The following TET1 variants were observed in gnomAD, a reference collection of about 807,000 sequenced individuals.
The protein encoded by TET1 is tet methylcytosine dioxygenase 1.
TET1 carries 13 observed loss-of-function variants against 148.7 expected under a neutral mutation model. That is an observed-to-expected ratio of 0.09 (90% CI 0.06 to 0.14). The LOEUF is 0.14. Ranked by LOEUF, TET1 falls within the 10% of genes least tolerant of loss-of-function variation. TET1 has a pLI of 1.00. For synonymous variants in TET1, 907 were observed against 937.2 expected (o/e 0.97, Z 0.59); for missense variants, 2,182 against 2,553.8 (o/e 0.85, Z 3.14).
chr10:68,596,441 T>G (rs969457125), intron 2 of TET1, among the ~76,000 whole-genome samples: 2 of 152,146 alleles, frequency 1.3e-5, no homozygotes, highest in Non-Finnish European at 2.9e-5. Flanking sequence ...GCCTCTGAAT[T>G]ATTTCATAGC....
chr10:68,692,148 G>C lies in TET1; in HGVS notation c.*334G>C. 3.3e-6 allele frequency: 1 copy of C among 300,794 alleles called. No homozygotes were observed. The highest frequency in any genetic ancestry group is 4.6e-5 in the Admixed American group (1 of 21,942). 18.6% of individuals were successfully genotyped at this position (300,794 alleles called of 1,614,324 possible). ...TATGAAACAAGAGTCATTTTTAGAG[G>C]ATTTTAACAGGTTCATGTTCTATGA... On this transcript the variant is annotated 3_prime_UTR_variant, in exon 12 of 12. Transcript: ENST00000373644.
In TET1 at chr10:68,686,467, A is replaced by G. The variant is rs747038214; in HGVS notation, c.5164A>G (p.Lys1722Glu). The G allele has an allele frequency of 6.2e-7, 1 of 1,614,136 alleles. No individual in the cohort carries two copies. Among genetic ancestry groups the G allele is most frequent in the Non-Finnish European group, 8.5e-7 (1 of 1,180,032 alleles). ...TTCAGACACAGATGAGTTTGGCTCC[A>G]AGGAAGGAATGGAAGCCAAGATCAA... ...KLSDTDEFGS[K>E]EGMEAKIKSG... The change falls in exon 11 of 12, where the codon AAG becomes GAG. Residue 1722 changes from lysine to glutamate, a missense_variant. Around this residue, in one of 11 missense-constraint regions of TET1, gnomAD observed 380 missense variants for 387.9 expected, o/e 0.98. Coordinates refer to ENST00000373644, the MANE Select transcript of TET1 (RefSeq NM_030625.3).
chr10:68,650,781 A>G (rs912107998), intron 4 of TET1, among the ~76,000 whole-genome samples: 1 of 152,202 alleles, frequency 6.6e-6, no homozygotes, highest in Non-Finnish European at 1.5e-5. Flanking sequence ...AATTCTTACT[A>G]CACATGAGTC....
At chr10:68,587,893 T>G (rs1237607074) in intron 2 of TET1, among the ~76,000 whole-genome samples, 1 of 152,180 alleles carries the variant, frequency 6.6e-6, no homozygotes, top group African/African-American at 2.4e-5. Flanking sequence ...TTTTGTTTTG[T>G]TTTTTGAGAC....
chr10:68,665,818 C>CT (rs1209903624), intron 6 of TET1, among the ~76,000 whole-genome samples: 1 of 152,028 alleles, frequency 6.6e-6, no homozygotes, highest in Non-Finnish European at 1.5e-5. Flanking sequence ...GGGGAAGGTC[C>CT]TAAAGCCAAC....
chr10:68,648,599 T>C (rs1304124029), intron 4 of TET1, among the ~76,000 whole-genome samples: 2 of 152,224 alleles, frequency 1.3e-5, no homozygotes, highest in Non-Finnish European at 2.9e-5. Context: ...GATGTTTTTA[T>C]TAGAAGCAGG....
chr10:68,657,163 C>T (rs779824749), intron 6 of TET1, among the ~76,000 whole-genome samples: 1 of 152,032 alleles, frequency 6.6e-6, no homozygotes, highest in Non-Finnish European at 1.5e-5. Context: ...CATAGTGAGA[C>T]TCTACAAAAA....
chr10:68,585,961 T>C (rs961801364), intron 2 of TET1, among the ~76,000 whole-genome samples: 1 of 145,290 alleles, frequency 6.9e-6, no homozygotes, highest in African/African-American at 2.6e-5. Flanking sequence ...TCAGCTGAGA[T>C]AGCGCCACTG....
At position 68,599,510 on chromosome 10, in the gene TET1, G is replaced by C. The variant is rs544665774; in HGVS notation, c.1915-1471G>C. Among the ~76,000 whole-genome samples the C allele has an allele frequency of 4.6e-5, 7 of 152,380 alleles. No individual in the cohort carries two copies. In the South Asian group the frequency reaches 1.4e-3, roughly 32 times the overall value. ...ACGGCTCCCGGTCCAGTCTTTCCCA[G>C]TGTCTGGCAGGTGCTAGCTGTGGTG... On this transcript the variant is annotated intron_variant, in intron 2 of 11. Coordinates refer to ENST00000373644, the MANE Select transcript of TET1 (RefSeq NM_030625.3).
chr10:68,590,899 A>G (rs1331040676), intron 2 of TET1, among the ~76,000 whole-genome samples: 1 of 150,882 alleles, frequency 6.6e-6, no homozygotes, highest in Non-Finnish European at 1.5e-5. Context: ...CTTCTTGCCC[A>G]GGCTGGAGTG....
At chr10:68,597,030 A>ATTGTTTTTTTTTTTTTT (rs2053996196) in intron 2 of TET1, among the ~76,000 whole-genome samples, 1 of 98,894 alleles carries the variant, frequency 1.0e-5, no homozygotes, top group African/African-American at 4.4e-5. Flanking sequence ...CAGCTAATGG[A>ATTGTTTTTTTTTTTTTT]TTTTTTTTTT....
chr10:68,606,616 A>G (rs1185247129), intron 3 of TET1, among the ~76,000 whole-genome samples: 1 of 152,128 alleles, frequency 6.6e-6, no homozygotes, highest in Admixed American at 6.6e-5. Flanking sequence ...CAAAAAAAAA[A>G]ACACATGTCA....
chr10:68,653,671 T>C (rs1186243879), intron 6 of TET1, among the ~76,000 whole-genome samples: 1 of 152,196 alleles, frequency 6.6e-6, no homozygotes, highest in African/African-American at 2.4e-5. Flanking sequence ...ATGTTTCTTG[T>C]TTTTGTACAT....
chr10:68,677,910 A>G (rs188564959), intron 8 of TET1, among the ~76,000 whole-genome samples: 21 of 152,286 alleles, frequency 1.4e-4, no homozygotes, highest in Non-Finnish European at 2.2e-4. Flanking sequence ...ATGAGCCACA[A>G]TTGCAGACCA....
At chr10:68,608,724 CAG>C (rs1366467264) in intron 3 of TET1, among the ~76,000 whole-genome samples, 1 of 151,364 alleles carries the variant, frequency 6.6e-6, no homozygotes, top group East Asian at 2.0e-4. Flanking sequence ...TTAGTAGAGA[CAG>C]GGTTTCACCA....
intron 7 of TET1, among the ~76,000 whole-genome samples, chr10:68,671,724 T>C (rs1407465013): frequency 6.6e-6 from 1 of 152,254 alleles, no homozygotes; most frequent in African/African-American, 2.4e-5. Flanking sequence ...TCTGCTCCAT[T>C]TTTTTCTATT....
intron 8 of TET1, among the ~76,000 whole-genome samples, chr10:68,678,756 C>G (rs2055397818): frequency 2.0e-5 from 3 of 152,144 alleles, no homozygotes; most frequent in Non-Finnish European, 4.4e-5. Flanking sequence ...AGGAGTTAAT[C>G]TTGACCACCA....
intron 8 of TET1, among the ~76,000 whole-genome samples, chr10:68,677,693 C>A (rs1182131647): frequency 6.6e-6 from 1 of 152,040 alleles, no homozygotes; most frequent in African/African-American, 2.4e-5. Flanking sequence ...CTTGCCCAGG[C>A]TGGAGTGCAA....
At chr10:68,670,918 A>G (rs2055264538) in intron 7 of TET1, among the ~76,000 whole-genome samples, 1 of 151,960 alleles carries the variant, frequency 6.6e-6, no homozygotes, top group African/African-American at 2.4e-5. Flanking sequence ...ATTGTTTTAT[A>G]TTTTAATCAT....
Sources: gnomAD v4.1 joint callset for allele counts (sites outside exome capture counted in the v4.1 genomes callset) on GRCh38, gnomAD v4.1.1 for gene constraint, gnomAD v4.1.1 regional missense constraint, MANE v1.5 for transcripts, NCBI Gene and HGNC (gene_info 2026-07-23, HGNC 2026-07-21) for gene names.